NRAP: variants seen among roughly 807,000 people sequenced by gnomAD.
NRAP encodes the protein nebulin related anchoring protein.
In NRAP, 189 loss-of-function variants were observed where a neutral mutation model predicts 225.9. That is an observed-to-expected ratio of 0.84 (90% confidence interval 0.74 to 0.94). The LOEUF is 0.94. NRAP is among the 40% of genes least tolerant of loss of function. NRAP has a pLI of 0.00. For missense variants in NRAP, 2,176 were observed against 2,168.7 expected (o/e 1.00, Z -0.07); for synonymous variants, 769 against 790.7 (o/e 0.97, Z 0.46).
In NRAP at chr10:113,621,986, G is replaced by A; in HGVS notation, c.2652C>T (p.Arg884=). ...SLDMVHLVHA[R]KAQHLATDVG... Reference sequence around the variant, plus strand: ...CGTCTGTGGCTAAATGCTGAGCTTTGCGGGCATGCACGAGGTGGACCATGT... The same window carrying A: ...CGTCTGTGGCTAAATGCTGAGCTTTACGGGCATGCACGAGGTGGACCATGT... The change falls in exon 24 of 42, where the codon CGC becomes CGT. Residue 884 remains arginine (R), a synonymous_variant. Coordinates refer to ENST00000359988, the MANE Select transcript of NRAP (RefSeq NM_198060.4). The A allele has an allele frequency of 6.2e-7, 1 of 1,614,204 alleles. No homozygotes were observed. Among genetic ancestry groups the A allele is most frequent in the Non-Finnish European group, 8.5e-7 (1 of 1,180,050 alleles).
At chr10:113,614,774 C>T (rs1004293569) in intron 28 of NRAP, 65 bp downstream of exon 28, 12 of 958,778 alleles carry the variant, frequency 1.3e-5, no homozygotes, top group South Asian at 2.6e-5. Flanking sequence ...GCAGGAGTTA[C>T]GGGCAAAAGG....
At chr10:113,649,097 A>C (rs955527000) in intron 9 of NRAP, among the ~76,000 whole-genome samples, 7 of 152,230 alleles carry the variant, frequency 4.6e-5, no homozygotes, top group Non-Finnish European at 8.8e-5. Flanking sequence ...ATTAACTTAG[A>C]GAATTTGATT....
chr10:113,653,191 C>T (rs1850092184), intron 5 of NRAP, 152 bp from the exon 6 acceptor site: 1 of 559,918 alleles, frequency 1.8e-6, no homozygotes, highest in African/African-American at 1.9e-5. Context: ...TTATAATTGA[C>T]CATTTGAATA....
In NRAP at chr10:113,641,123, T is replaced by A. The variant is rs11196401; in HGVS notation, c.1323+242A>T. ...CCACACTGGATTCATTATAATAGAC[T>A]GAAGTACTCTTCAAATTAGAGAAAG... On this transcript the variant is annotated intron_variant, in intron 13 of 41. Coordinates refer to ENST00000359988, the MANE Select transcript of NRAP (RefSeq NM_198060.4). 1.2e-3 allele frequency among the ~76,000 whole-genome samples: 190 copies of A among 152,312 alleles called. 1 individual carries two copies. Among genetic ancestry groups the A allele is most frequent in the African/African-American group, 4.5e-3 (186 of 41,578 alleles).
rs569750715 is a variant in NRAP, at chr10:113,663,969, C to T, written c.-87G>A. 5 of 1,013,654 alleles carry T rather than the reference C, an allele frequency of 4.9e-6. No individual in the cohort carries two copies. Among genetic ancestry groups the T allele is most frequent in the Admixed American group, 1.8e-5 (1 of 54,542 alleles). 62.8% of individuals were successfully genotyped at this position (1,013,654 alleles called of 1,614,324 possible). A position where few individuals can be genotyped will look rare whatever the true frequency, so the allele number is the denominator to read the frequency against. The stretch of plus-strand genomic sequence containing the variant: ...CAGTCTAGTTCAAGTCTTCAAAATC[C>T]GACGACCATAAAATTCCTGTGGGCA... On this transcript the variant is annotated 5_prime_UTR_variant, in exon 1 of 42. Coordinates refer to ENST00000359988, the MANE Select transcript of NRAP (RefSeq NM_198060.4).
chr10:113,589,613 G>C lies in NRAP; in HGVS notation c.5088+53C>G, dbSNP rs201572004. On this transcript the variant is annotated intron_variant, in intron 41 of 41. Coordinates refer to ENST00000359988, the MANE Select transcript of NRAP (RefSeq NM_198060.4). ...AACTTTGAAAAGAAACAATGAGTTT[G>C]TCTTTCCCCATGGCCTTGCAAGCCA... 243 of 1,542,732 alleles carry C rather than the reference G, an allele frequency of 1.6e-4. No individual in the cohort carries two copies. In the Middle Eastern group the frequency reaches 2.7e-3, roughly 17 times the overall value.
In NRAP at chr10:113,645,824, C is replaced by T. The variant is rs757476818; in HGVS notation, c.1110+1G>A. ...GGGTGTGACTCTTCCCCCATACGCA[C>T]CTCACTCACGAGTTTGTTTACGCTC... On this transcript the variant is annotated splice_donor_variant, in intron 11 of 41. Coordinates refer to ENST00000359988, the MANE Select transcript of NRAP (RefSeq NM_198060.4). LOFTEE classifies it high-confidence loss of function. The T allele has an allele frequency of 2.7e-6, 4 of 1,508,138 alleles. No homozygotes were observed. In the South Asian group the frequency reaches 3.4e-5, roughly 13 times the overall value. 93.4% of individuals were successfully genotyped at this position (1,508,138 alleles called of 1,614,324 possible).
At chr10:113,645,448 G>A (rs566282076) in intron 11 of NRAP, among the ~76,000 whole-genome samples, 14 of 152,118 alleles carry the variant, frequency 9.2e-5, no homozygotes, top group South Asian at 2.1e-4. Context: ...ATGGAGTTTC[G>A]CTTTTGTTGT....
Position 113,628,949 on chromosome 10 carries a change from G to A in NRAP, c.2113C>T (p.Gln705Ter). ...ACCAGCTGTCCAGCCTTCTTGGCTT[G>A]TTCCAAGTTGAGACTCCCCTCTGTC... is the stretch of plus-strand genomic sequence containing the variant. ...WLTEGSLNLE[Q>*]AKKAGQLVSE... is the part of the protein sequence containing the mutation. Residue 705 changes from glutamine (Q) to a stop codon, truncating the protein, a stop_gained, in exon 20 of 42, where the codon CAA (glutamine) becomes TAA (stop). Coordinates refer to ENST00000359988, the MANE Select transcript of NRAP (RefSeq NM_198060.4). LOFTEE classifies it high-confidence loss of function. 6.2e-7 allele frequency: 1 copy of A among 1,612,392 alleles called. No homozygotes were observed. The highest frequency in any genetic ancestry group is 8.5e-7 in the Non-Finnish European group (1 of 1,179,150).
chr10:113,618,842 A>G (rs923522703), intron 25 of NRAP, among the ~76,000 whole-genome samples: 1 of 152,224 alleles, frequency 6.6e-6, no homozygotes, highest in African/African-American at 2.4e-5. Context: ...GCTACTCAAG[A>G]GGCTGAGGTA....
At chr10:113,653,712 C>T (rs1037621066) in intron 5 of NRAP, among the ~76,000 whole-genome samples, 2 of 152,134 alleles carry the variant, frequency 1.3e-5, no homozygotes, top group African/African-American at 4.8e-5. Context: ...GAGGTCAGTA[C>T]TTTAAAATGG....
Position 113,589,654 on chromosome 10 carries a change from CT to C in NRAP, c.5088+11del. The C allele has an allele frequency of 6.2e-7, 1 of 1,610,116 alleles. No homozygotes were observed. The highest frequency in any genetic ancestry group is 1.3e-5 in the African/African-American group (1 of 74,730). ...TTGCAAGCCAGGGGTGGCTTTGCAG[CT>C]TGCTACTCACGTAAGCTCCCTGGAG... On this transcript the variant is annotated intron_variant, in intron 41 of 41. Transcript: ENST00000359988.
chr10:113,597,012 G>C, intron 37 of NRAP, 74 bp downstream of exon 37: 1 of 973,884 alleles, frequency 1.0e-6, no homozygotes. Context: ...TCCAGAGCCT[G>C]TGTTCTTAGA....
intron 30 of NRAP, among the ~76,000 whole-genome samples, chr10:113,611,254 G>A (rs1218424013): frequency 6.6e-6 from 1 of 151,986 alleles, no homozygotes; most frequent in Non-Finnish European, 1.5e-5. Context: ...CTGCTCTCAG[G>A]TTCCTGACAG....
At chr10:113,615,260 G>T (rs1329888267) in intron 27 of NRAP, among the ~76,000 whole-genome samples, 3 of 152,322 alleles carry the variant, frequency 2.0e-5, no homozygotes, top group South Asian at 4.1e-4. Flanking sequence ...GCATGAGATT[G>T]CATATGCATA....
chr10:113,660,001 G>C (rs72835667), intron 3 of NRAP, among the ~76,000 whole-genome samples: 1 of 151,180 alleles, frequency 6.6e-6, no homozygotes, highest in African/African-American at 2.4e-5. Context: ...ATGGTTGTCC[G>C]TTTTACTTTG....
intron 4 of NRAP, 57 bp from the exon 5 acceptor site, chr10:113,654,182 T>C (rs1357792089): frequency 2.1e-6 from 2 of 942,140 alleles, no homozygotes; most frequent in Admixed American, 1.7e-5. Context: ...CCAGCAACAC[T>C]TACATACATT....
intron 17 of NRAP, 67 bp downstream of exon 17, chr10:113,631,790 G>A: frequency 9.7e-7 from 1 of 1,030,950 alleles, no homozygotes. Flanking sequence ...ATTTTTTTCA[G>A]CAGGACCACT....
chr10:113,626,492 C>G (rs1848300274), intron 20 of NRAP, among the ~76,000 whole-genome samples: 1 of 152,158 alleles, frequency 6.6e-6, no homozygotes, highest in Non-Finnish European at 1.5e-5. Context: ...GACTGAGGTT[C>G]AAATCTTGCC....
Sources: allele counts gnomAD v4.1 joint callset (sites outside exome capture counted in the v4.1 genomes callset), GRCh38; gene constraint gnomAD v4.1.1; transcripts MANE v1.5; gene names NCBI Gene and HGNC (gene_info 2026-07-23, HGNC 2026-07-21).